CPOX: variants seen among roughly 807,000 people sequenced by gnomAD.
CPOX encodes the protein coproporphyrinogen oxidase.
In CPOX, 24 loss-of-function variants were observed where a neutral mutation model predicts 48.9. The observed-to-expected ratio is 0.49, with a 90% CI of 0.36 to 0.69. The LOEUF is 0.69. CPOX is among the 30% of genes least tolerant of loss of function. The probability of loss-of-function intolerance (pLI) is 0.00; values close to 1 mark genes in which losing one functional copy is unlikely to be tolerated. For missense variants in CPOX, 549 were observed against 597.3 expected (o/e 0.92, Z 0.84); for synonymous variants, 249 against 234.6 (o/e 1.06, Z -0.56).
intron 4 of CPOX, 43 bp downstream of exon 4, chr3:98,588,670 G>C: frequency 6.2e-7 from 1 of 1,608,948 alleles, no homozygotes; most frequent in South Asian, 1.1e-5. Flanking sequence ...AGAAGGAACA[G>C]AATGTAATTT....
chr3:98,590,171 G>A (rs1378777488), intron 3 of CPOX, among the ~76,000 whole-genome samples: 4 of 152,152 alleles, frequency 2.6e-5, no homozygotes, highest in Admixed American at 6.5e-5. Flanking sequence ...TTTTTGAGAC[G>A]GAGTCTCGCT....
the CPOX span, among the ~76,000 whole-genome samples, chr3:98,573,021 TG>T: frequency 6.6e-6 from 1 of 152,232 alleles, no homozygotes; most frequent in Non-Finnish European, 1.5e-5. Context: ...TTTTCCTACC[TG>T]TCTTCACTGA....
chr3:98,572,009 G>A, the CPOX span, among the ~76,000 whole-genome samples: 2 of 152,144 alleles, frequency 1.3e-5, no homozygotes, highest in African/African-American at 4.8e-5. Flanking sequence ...ATGTCCCTAG[G>A]TACTTGGAAG....
chr3:98,582,186 T>G, intron 5 of CPOX, among the ~76,000 whole-genome samples: 1 of 152,270 alleles, frequency 6.6e-6, no homozygotes, highest in Non-Finnish European at 1.5e-5. Context: ...GTTCAATATG[T>G]TAACTCCCCT....
chr3:98,574,211 T>C, the CPOX span, among the ~76,000 whole-genome samples: 1 of 152,322 alleles, frequency 6.6e-6, no homozygotes, highest in Admixed American at 6.5e-5. Context: ...CAATTATCTA[T>C]TACTGTTTAG....
intron 5 of CPOX, among the ~76,000 whole-genome samples, chr3:98,583,992 T>A (rs986467921): frequency 1.3e-5 from 2 of 152,170 alleles, no homozygotes; most frequent in African/African-American, 4.8e-5. Flanking sequence ...GTTCTGCCTA[T>A]CTCATGACAC....
chr3:98,590,538 T>C (rs1559678765), intron 3 of CPOX, 94 bp downstream of exon 3: 1 of 901,336 alleles, frequency 1.1e-6, no homozygotes, highest in East Asian at 2.5e-5. Flanking sequence ...TAATTAAGAC[T>C]ATTCTTTCTC....
chr3:98,590,699 G>A lies in CPOX; in HGVS notation c.744C>T (p.His248=), dbSNP rs1307770996. 6.2e-7 allele frequency: 1 copy of A among 1,614,096 alleles called. No individual in the cohort carries two copies. The highest frequency in any genetic ancestry group is 2.2e-5 in the East Asian group (1 of 44,882). ...TAGTAGGAGCATGAGGATTCTTGGGGTGGATAACAGAGCTCACGCCCATAG... is the reference window on the plus strand; with the variant it reads ...TAGTAGGAGCATGAGGATTCTTGGGATGGATAACAGAGCTCACGCCCATAG... The part of the protein sequence containing the change: ...FCAMGVSSVI[H]PKNPHAPTIH... The change falls in exon 3 of 7, where the codon CAC becomes CAT. Residue 248 remains histidine, a synonymous_variant. Coordinates refer to ENST00000647941, the MANE Select transcript of CPOX (RefSeq NM_000097.7).
Position 98,585,429 on chromosome 3 carries a change from CCAGT to C in CPOX, c.1172+8_1172+11del. 1 of 1,611,720 alleles carries C rather than the reference CCAGT, an allele frequency of 6.2e-7. No homozygotes were observed. The highest frequency in any genetic ancestry group is 8.5e-7 in the Non-Finnish European group (1 of 1,178,404). ...ACTTAGCCATGAAAGAATTCGTTTTCCAGTCACTTACCGTCCTCTTCTGAGCTGC... is the reference window on the plus strand; with the variant it reads ...ACTTAGCCATGAAAGAATTCGTTTTCCACTTACCGTCCTCTTCTGAGCTGC... On this transcript the variant is annotated splice_region_variant and intron_variant, in intron 5 of 6. Transcript: ENST00000647941.
rs1707258177 is a variant in CPOX, at chr3:98,581,480, C to T, written c.1204G>A (p.Gly402Ser). Reference sequence around the variant, plus strand: ...GGAGTGAAGAGGCCAAACTTTGTGCCCCGATCATACAGCAGATTAAATTCT... The same window carrying T: ...GGAGTGAAGAGGCCAAACTTTGTGCTCCGATCATACAGCAGATTAAATTCT... The part of the protein sequence containing the change: ...YVEFNLLYDR[G>S]TKFGLFTPGS... Residue 402 changes from glycine to serine, a missense_variant, in exon 6 of 7, where the codon GGC (glycine) becomes AGC (serine). This residue lies in a region of CPOX where 213 missense variants were observed against 279.1 expected (regional missense o/e 0.76). Transcript: ENST00000647941. 6.2e-7 allele frequency: 1 copy of T among 1,613,710 alleles called. No individual in the cohort carries two copies. The highest frequency in any genetic ancestry group is 1.3e-5 in the African/African-American group (1 of 74,868).
chr3:98,587,867 C>T (rs1707395889), intron 4 of CPOX, among the ~76,000 whole-genome samples: 2 of 152,224 alleles, frequency 1.3e-5, no homozygotes, highest in South Asian at 4.1e-4. Flanking sequence ...GAACTGTCTA[C>T]TCTATTAGTC....
the CPOX span, among the ~76,000 whole-genome samples, chr3:98,573,318 A>G: frequency 1.3e-5 from 2 of 152,246 alleles, no homozygotes; most frequent in African/African-American, 2.4e-5. Flanking sequence ...ACATTTGACA[A>G]GACATAAACA....
Position 98,593,548 on chromosome 3 carries a change from C to T in CPOX, c.-44G>A, listed in dbSNP as rs1362795164. On this transcript the variant is annotated 5_prime_UTR_variant, in exon 1 of 7. Transcript: ENST00000647941. ...GGAGCAGTGCCTGCGTCCCAGAGCCCTGCGTTTGAGCCCCCCACCCAGACC... is the reference window on the plus strand; with the variant it reads ...GGAGCAGTGCCTGCGTCCCAGAGCCTTGCGTTTGAGCCCCCCACCCAGACC... The T allele has an allele frequency of 6.0e-6, 9 of 1,503,108 alleles. No homozygotes were observed. Among genetic ancestry groups the T allele is most frequent in the African/African-American group, 1.4e-5 (1 of 71,014 alleles). The allele number at this position is 1,503,108 out of a possible 1,614,324, so 93.1% of individuals were successfully genotyped here. A position where few individuals can be genotyped will look rare whatever the true frequency, so the allele number is the denominator to read the frequency against.
chr3:98,584,578 C>T (rs1707322752), intron 5 of CPOX, among the ~76,000 whole-genome samples: 1 of 152,144 alleles, frequency 6.6e-6, no homozygotes, highest in Non-Finnish European at 1.5e-5. Context: ...CTTTAGTACC[C>T]AAAGCTTCTT....
At chr3:98,591,250 A>G in intron 1 of CPOX, 95 bp from the exon 2 acceptor site, 1 of 1,283,218 alleles carries the variant, frequency 7.8e-7, no homozygotes, top group East Asian at 2.4e-5. Flanking sequence ...CCGTTTCCCA[A>G]ATCTTTTATA....
rs1294238285 is a variant in CPOX at position 98,593,131 on chromosome 3, T to G, written c.374A>C (p.His125Pro). The G allele has an allele frequency of 3.1e-6, 5 of 1,613,040 alleles. No individual in the cohort carries two copies. In the South Asian group the frequency reaches 5.5e-5, roughly 18 times the overall value. Residue 125 changes from histidine (H) to proline (P), a missense_variant, in exon 1 of 7, where the codon CAC (histidine) becomes CCC (proline). His to Pro is a moderately conservative substitution (Grantham distance 77). Transcript: ENST00000647941. ...CGGGGCCATGAAGCTGCTGCAGCGG[T>G]GGGCCAGCTCATCCTCCTCCTCCTC... ...RPEEEEDELA[H>P]RCSSFMAPPV...
At chr3:98,577,418 A>G (rs949877542), downstream of CPOX, among the ~76,000 whole-genome samples, 1 of 152,136 alleles carries the variant, frequency 6.6e-6, no homozygotes, top group African/African-American at 2.4e-5. Context: ...TTCAGATGAG[A>G]AAGTATGTGA....
chr3:98,587,555 G>A (rs570287929), intron 4 of CPOX, among the ~76,000 whole-genome samples: 5 of 149,844 alleles, frequency 3.3e-5, no homozygotes, highest in East Asian at 2.0e-4. Flanking sequence ...GGGGCTGAAC[G>A]TGCTAGCTTA....
At chr3:98,581,294 G>C in intron 6 of CPOX, 113 bp downstream of exon 6, 1 of 820,544 alleles carries the variant, frequency 1.2e-6, no homozygotes, top group Non-Finnish European at 2.1e-6. Context: ...AATCAGCAAA[G>C]TCAAAACTAA....
Sources: gnomAD v4.1 joint callset for allele counts (sites outside exome capture counted in the v4.1 genomes callset) on GRCh38, gnomAD v4.1.1 for gene constraint, gnomAD v4.1.1 regional missense constraint, MANE v1.5 for transcripts, NCBI Gene and HGNC (gene_info 2026-07-23, HGNC 2026-07-21) for gene names.